MEGF11: variants seen among roughly 807,000 people sequenced by gnomAD.
MEGF11 encodes multiple EGF like domains 11.
Under a neutral mutation model 146.6 loss-of-function variants are expected in MEGF11, and 126 were observed. That is an observed-to-expected ratio of 0.86 (90% CI 0.74 to 1.00). The LOEUF (loss-of-function observed/expected upper bound fraction) is 1.00, where lower values mean the gene tolerates loss of function less well. Among genes scored for constraint, MEGF11 ranks in the 50% least tolerant of loss-of-function variants. The probability of loss-of-function intolerance (pLI) is 0.00; values close to 1 mark genes in which losing one functional copy is unlikely to be tolerated. For missense variants in MEGF11, 1,509 were observed against 1,521.2 expected, an observed-to-expected ratio of 0.99 and a Z score of 0.13; for synonymous variants, 532 against 583.4, an observed-to-expected ratio of 0.91 and a Z score of 1.27.
chr15:66,183,960 A>G (rs2090624334), intron 1 of MEGF11, among the ~76,000 whole-genome samples: 1 of 152,212 alleles, frequency 6.6e-6, no homozygotes, highest in African/African-American at 2.4e-5. Flanking sequence ...GCATGAAAGA[A>G]GACAGGCAAA....
At chr15:66,130,730 G>GAGGAAGGAAGGAAGGA (rs137881134) in intron 1 of MEGF11, among the ~76,000 whole-genome samples, 35 of 141,058 alleles carry the variant, frequency 2.5e-4, no homozygotes, top group Non-Finnish European at 4.0e-4. Flanking sequence ...AAGAGGGAGG[G>GAGGAAGGAAGGAAGGA]AGGAAGGAAG....
At position 65,945,987 on chromosome 15, in the gene MEGF11, C is replaced by G. The variant is rs149304914; in HGVS notation, c.1287+11560G>C. ...GTTAACCTCTCTGTGTCTTAGTTTCCCTATCTGCAAAATGGGAATTACAAT... is the reference window on the plus strand; with the variant it reads ...GTTAACCTCTCTGTGTCTTAGTTTCGCTATCTGCAAAATGGGAATTACAAT... On this transcript the variant is annotated intron_variant, in intron 10 of 25. Coordinates refer to ENST00000395614, the MANE Select transcript of MEGF11 (RefSeq NM_001385028.1). Among the ~76,000 whole-genome samples, 10 of 152,290 alleles carry G rather than the reference C, an allele frequency of 6.6e-5. No individual in the cohort carries two copies. In the East Asian group the frequency reaches 1.9e-3, roughly 29 times the overall value.
At chr15:65,997,388 T>TG (rs925336035) in intron 5 of MEGF11, among the ~76,000 whole-genome samples, 33 of 152,214 alleles carry the variant, frequency 2.2e-4, no homozygotes, top group African/African-American at 7.5e-4. Context: ...GGGGATTGAG[T>TG]GGGGAATAAA....
chr15:66,240,429 C>A (rs1597170754), intron 1 of MEGF11, among the ~76,000 whole-genome samples: 1 of 152,346 alleles, frequency 6.6e-6, no homozygotes, highest in Admixed American at 6.5e-5. Context: ...GGGACGCAGG[C>A]CTGTTGCCTG....
At chr15:66,052,585 C>T (rs1392209038) in intron 5 of MEGF11, among the ~76,000 whole-genome samples, 1 of 152,206 alleles carries the variant, frequency 6.6e-6, no homozygotes. Context: ...CAGATCAAAT[C>T]ATGCCTCCTT....
rs568184949 is a variant in MEGF11 at position 66,164,834 on chromosome 15, T to C, written c.-8-36423A>G. ...ACATTTGTCTGACAACCAGAGAACA[T>C]TTGAAATTGGAACTGTCCCAGAAAC... On this transcript the variant is annotated intron_variant, in intron 1 of 25. Coordinates refer to ENST00000395614, the MANE Select transcript of MEGF11 (RefSeq NM_001385028.1). 2.6e-5 allele frequency among the ~76,000 whole-genome samples: 4 copies of C among 152,334 alleles called. No homozygotes were observed. In the South Asian group the frequency reaches 6.2e-4, roughly 24 times the overall value.
At chr15:65,964,470 G>A (rs1408211144) in intron 9 of MEGF11, among the ~76,000 whole-genome samples, 1 of 152,070 alleles carries the variant, frequency 6.6e-6, no homozygotes. Flanking sequence ...CTCTACTTCT[G>A]CCCTGGTGCC....
At chr15:66,042,315 G>T (rs1465892811) in intron 5 of MEGF11, among the ~76,000 whole-genome samples, 1 of 151,978 alleles carries the variant, frequency 6.6e-6, no homozygotes, top group African/African-American at 2.4e-5. Flanking sequence ...TCACCACGTT[G>T]GCCAGGCTAG....
At chr15:66,000,330 G>C (rs553423889) in intron 5 of MEGF11, among the ~76,000 whole-genome samples, 1 of 152,286 alleles carries the variant, frequency 6.6e-6, no homozygotes, top group Admixed American at 6.5e-5. Flanking sequence ...AGAGTTCAAG[G>C]CCGGCTTGGG....
intron 4 of MEGF11, among the ~76,000 whole-genome samples, chr15:66,097,481 C>T (rs957077480): frequency 9.8e-5 from 15 of 152,340 alleles, no homozygotes; most frequent in East Asian, 1.9e-4. Flanking sequence ...GGTTAGGGTG[C>T]TGCCACCCTG....
intron 2 of MEGF11, among the ~76,000 whole-genome samples, chr15:66,124,843 G>C (rs1180637637): frequency 6.6e-6 from 1 of 152,252 alleles, no homozygotes; most frequent in East Asian, 1.9e-4. Flanking sequence ...TGTCATTCAA[G>C]CCAGGATGCT....
chr15:66,242,908 T>C (rs1172217996), intron 1 of MEGF11, among the ~76,000 whole-genome samples: 1 of 152,228 alleles, frequency 6.6e-6, no homozygotes, highest in Non-Finnish European at 1.5e-5. Flanking sequence ...GGAAATCATT[T>C]ATTTCAATGG....
chr15:66,082,672 CAAAAA>C (rs71139462), intron 5 of MEGF11, among the ~76,000 whole-genome samples: 4 of 39,144 alleles, frequency 1.0e-4, no homozygotes, highest in Non-Finnish European at 1.7e-4. Flanking sequence ...GACTCTGTCT[CAAAAA>C]AAAAAAAAAA....
intron 8 of MEGF11, among the ~76,000 whole-genome samples, chr15:65,966,012 TTTTG>T (rs1326047803): frequency 1.3e-5 from 2 of 152,150 alleles, no homozygotes; most frequent in Non-Finnish European, 2.9e-5. Flanking sequence ...ACCTTGCTTT[TTTTG>T]TTTGTTTGAG....
At chr15:66,162,503 A>C (rs1214960503) in intron 1 of MEGF11, among the ~76,000 whole-genome samples, 5 of 152,244 alleles carry the variant, frequency 3.3e-5, no homozygotes, top group Admixed American at 3.3e-4. Context: ...ACGTTATGCC[A>C]AGCACAAGAT....
At chr15:65,962,623 A>C (rs1268580851) in intron 9 of MEGF11, among the ~76,000 whole-genome samples, 1 of 152,186 alleles carries the variant, frequency 6.6e-6, no homozygotes, top group East Asian at 1.9e-4. Context: ...TTTTTTAAAA[A>C]ATAGGGTTGA....
intron 1 of MEGF11, among the ~76,000 whole-genome samples, chr15:66,214,459 G>T (rs1395711910): frequency 6.6e-6 from 1 of 152,206 alleles, no homozygotes; most frequent in Non-Finnish European, 1.5e-5. Flanking sequence ...ATGTGATCTG[G>T]GAGGTCTCGG....
chr15:66,118,974 G>A (rs1203331072), intron 4 of MEGF11, 112 bp downstream of exon 4: 1 of 696,730 alleles, frequency 1.4e-6, no homozygotes, highest in Admixed American at 2.5e-5. Flanking sequence ...CCATCTGGCT[G>A]AGGACTGCTG....
At chr15:65,916,673 GAGCTC>G in intron 17 of MEGF11, 150 bp downstream of exon 17, 7 of 1,315,836 alleles carry the variant, frequency 5.3e-6, no homozygotes, top group Non-Finnish European at 7.4e-6. Context: ...TGCCCCTGCA[GAGCTC>G]CTCAGTTCTC....
Sources: allele counts gnomAD v4.1 joint callset (sites outside exome capture counted in the v4.1 genomes callset), GRCh38; gene constraint gnomAD v4.1.1; transcripts MANE v1.5; gene names NCBI Gene and HGNC (gene_info 2026-07-23, HGNC 2026-07-21).